The following ATP10D variants were observed in gnomAD, a reference collection of about 807,000 sequenced individuals.
ATP10D encodes ATPase phospholipid transporting 10D (putative), also known as phospholipid-transporting ATPase VD.
ATP10D carries 89 observed loss-of-function variants against 144.8 expected under a neutral mutation model. The observed-to-expected ratio is 0.61, with a 90% confidence interval of 0.52 to 0.73. The LOEUF (loss-of-function observed/expected upper bound fraction) is 0.73. ATP10D is among the 30% of genes least tolerant of loss of function. ATP10D has a pLI of 0.00. For missense variants in ATP10D, 1,603 were observed against 1,714.8 expected, an observed-to-expected ratio of 0.93 and a Z score of 1.15; for synonymous variants, 571 against 615.1, an observed-to-expected ratio of 0.93 and a Z score of 1.06.
rs1721000612 is a variant in ATP10D, at chr4:47,590,928, G to C, written c.3942-114G>C. 9.2e-6 allele frequency: 6 copies of C among 652,780 alleles called. No homozygotes were observed. In the Admixed American group the frequency reaches 1.3e-4, roughly 14 times the overall value. The allele number at this position is 652,780 out of a possible 1,614,324, so 40.4% of individuals were successfully genotyped here. A position where few individuals can be genotyped will look rare whatever the true frequency, so the allele number is the denominator to read the frequency against. ...CGGTTACCCTCCCCCTTTATTTCAG[G>C]AGCCAAGTGGCCACCAGACCCTTTT... On this transcript the variant is annotated intron_variant, in intron 22 of 22. Coordinates refer to ENST00000273859, the MANE Select transcript of ATP10D (RefSeq NM_020453.4).
At chr4:47,507,735 A>G (rs1208274898) in intron 1 of ATP10D, among the ~76,000 whole-genome samples, 1 of 152,242 alleles carries the variant, frequency 6.6e-6, no homozygotes, top group Admixed American at 6.5e-5. Context: ...GAATAAAGCC[A>G]TCTGTAACAC....
intron 10 of ATP10D, among the ~76,000 whole-genome samples, chr4:47,549,948 G>GTT (rs1249247915): frequency 7.5e-6 from 1 of 133,074 alleles, no homozygotes; most frequent in Non-Finnish European, 1.6e-5. Flanking sequence ...ATTCACCTTT[G>GTT]TCTTTTTTTT....
chr4:47,526,386 T>A (rs1360899220), intron 5 of ATP10D, among the ~76,000 whole-genome samples: 3 of 152,178 alleles, frequency 2.0e-5, no homozygotes, highest in Non-Finnish European at 4.4e-5. Flanking sequence ...TAACTTTCAT[T>A]CCTGCAAACT....
Position 47,577,002 on chromosome 4 carries a change from G to A in ATP10D, c.3567+29G>A, listed in dbSNP as rs1720274560. On this transcript the variant is annotated intron_variant, in intron 19 of 22. Transcript: ENST00000273859. ...GGTGTTAAAGCAAGAGTGCTTGGAT[G>A]GATGCATATCCATTGTCAAAGCCAG... 2.5e-6 allele frequency: 4 copies of A among 1,595,108 alleles called. No individual in the cohort carries two copies. In the Admixed American group the frequency reaches 5.0e-5, roughly 20 times the overall value.
At chr4:47,584,780 T>C (rs563238637) in intron 21 of ATP10D, among the ~76,000 whole-genome samples, 1 of 152,338 alleles carries the variant, frequency 6.6e-6, no homozygotes, top group South Asian at 2.1e-4. Context: ...AAAGGAATTA[T>C]TGTTTTAGCA....
At chr4:47,572,406 G>A (rs765294548) in intron 17 of ATP10D, among the ~76,000 whole-genome samples, 176 bp downstream of exon 17, 4 of 151,974 alleles carry the variant, frequency 2.6e-5, no homozygotes, top group Non-Finnish European at 5.9e-5. Flanking sequence ...GAGTATTATG[G>A]CATTTTCCTG....
At chr4:47,508,455 C>G (rs1236934529) in intron 1 of ATP10D, among the ~76,000 whole-genome samples, 3 of 152,228 alleles carry the variant, frequency 2.0e-5, no homozygotes, top group Non-Finnish European at 2.9e-5. Flanking sequence ...TTATTTATAG[C>G]ATGTCCCTTG....
At chr4:47,496,156 C>CTTTTT (rs5858072) in intron 1 of ATP10D, among the ~76,000 whole-genome samples, 1 of 132,884 alleles carries the variant, frequency 7.5e-6, no homozygotes, top group Non-Finnish European at 1.6e-5. Context: ...TTTCCTTTTT[C>CTTTTT]TTTTTTTTTT....
chr4:47,575,717 T>C (rs1720190505), intron 18 of ATP10D, among the ~76,000 whole-genome samples: 1 of 152,174 alleles, frequency 6.6e-6, no homozygotes, highest in Non-Finnish European at 1.5e-5. Flanking sequence ...TGTGCCTCAG[T>C]ATCTTAGTCT....
chr4:47,581,913 C>T (rs1312443347), intron 20 of ATP10D, 47 bp from the exon 21 acceptor site: 4 of 1,482,304 alleles, frequency 2.7e-6, no homozygotes, highest in Non-Finnish European at 2.8e-6. Context: ...GTTACCCACA[C>T]CAAGTTGCAC....
chr4:47,563,735 C>G lies in ATP10D; in HGVS notation c.2823C>G (p.Asp941Glu). ...AYACKLLEPD[D>E]KLFILNTQSK... Reference sequence around the variant, plus strand: ...CATGCAAACTACTGGAGCCAGATGACAAGCTTTTTATCCTCAATACCCAAA... The same window carrying G: ...CATGCAAACTACTGGAGCCAGATGAGAAGCTTTTTATCCTCAATACCCAAA... The change falls in exon 15 of 23, where the codon GAC becomes GAG. Residue 941 changes from aspartate (D) to glutamate (E), a missense_variant. Coordinates refer to ENST00000273859, the MANE Select transcript of ATP10D (RefSeq NM_020453.4). 1 of 1,610,548 alleles carries G rather than the reference C, an allele frequency of 6.2e-7. No individual in the cohort carries two copies.
At chr4:47,571,939 G>A (rs534468849) in intron 16 of ATP10D, among the ~76,000 whole-genome samples, 2 of 152,160 alleles carry the variant, frequency 1.3e-5, no homozygotes, top group African/African-American at 2.4e-5. Flanking sequence ...GTGCCATAGC[G>A]TGAAGGAGTT....
chr4:47,591,376 A>G lies in ATP10D; in HGVS notation c.4276A>G (p.Ser1426Gly). ...GGCTGGACCCTCCAAAGGTAAAGAA[A>G]GCTAGATACCCTCCTTGGAGTTGCA... ...EMAGPSKGKE[S>G] The change falls in exon 23 of 23, where the codon AGC becomes GGC. Residue 1426 changes from serine (S) to glycine (G), a missense_variant. Ser to Gly is a moderately conservative substitution (Grantham distance 56). Transcript: ENST00000273859. The G allele has an allele frequency of 6.3e-7, 1 of 1,588,122 alleles. No individual in the cohort carries two copies. Among genetic ancestry groups the G allele is most frequent in the South Asian group, 1.1e-5 (1 of 87,462 alleles).
intron 15 of ATP10D, among the ~76,000 whole-genome samples, chr4:47,565,493 G>C (rs1467016149): frequency 6.6e-6 from 1 of 152,152 alleles, no homozygotes; most frequent in African/African-American, 2.4e-5. Flanking sequence ...TCAAATGCTT[G>C]GCCTGCCGCT....
At chr4:47,580,722 A>G (rs994145907) in intron 20 of ATP10D, among the ~76,000 whole-genome samples, 1 of 152,198 alleles carries the variant, frequency 6.6e-6, no homozygotes, top group African/African-American at 2.4e-5. Flanking sequence ...ATTTTTATCA[A>G]TGACTTGAAC....
chr4:47,510,035 G>A (rs12645066), intron 1 of ATP10D, among the ~76,000 whole-genome samples: 72,713 of 149,406 alleles, frequency 0.49, 18,458 homozygotes, highest in East Asian at 0.8. Flanking sequence ...AGCAGTTAAC[G>A]CATTTCAAAA....
intron 1 of ATP10D, among the ~76,000 whole-genome samples, chr4:47,488,809 A>T (rs1469312074): frequency 6.6e-6 from 1 of 152,164 alleles, no homozygotes; most frequent in African/African-American, 2.4e-5. Context: ...TGATTAGATT[A>T]TGAGAAAGGA....
At chr4:47,513,624 T>C (rs998779775) in intron 2 of ATP10D, among the ~76,000 whole-genome samples, 3 of 152,164 alleles carry the variant, frequency 2.0e-5, no homozygotes, top group African/African-American at 7.2e-5. Context: ...ATAAAGGCAG[T>C]AGCATAAAAG....
In ATP10D at chr4:47,539,486, T is replaced by TA. The variant is rs562848639; in HGVS notation, c.1396+2550dup. Among the ~76,000 whole-genome samples the TA allele has an allele frequency of 5.3e-3, 807 of 152,336 alleles. 5 individuals are homozygous for TA. The highest frequency in any genetic ancestry group is 6.4e-3 in the Non-Finnish European group (438 of 68,020). On this transcript the variant is annotated intron_variant, in intron 9 of 22. Coordinates refer to ENST00000273859, the MANE Select transcript of ATP10D (RefSeq NM_020453.4). Reference sequence around the variant, plus strand: ...TAATGCACTTTTGGGGTCTTTTTTTTAACACATATGTATATGTTTTTGTTT... The same window carrying TA: ...TAATGCACTTTTGGGGTCTTTTTTTTAAACACATATGTATATGTTTTTGTTT...
Sources: gnomAD v4.1 joint callset for allele counts (sites outside exome capture counted in the v4.1 genomes callset) on GRCh38, gnomAD v4.1.1 for gene constraint, MANE v1.5 for transcripts, NCBI Gene and HGNC (gene_info 2026-07-23, HGNC 2026-07-21) for gene names.